CATSPERB: variants seen among roughly 807,000 people sequenced by gnomAD.
CATSPERB encodes the protein catsper channel auxiliary subunit beta.
CATSPERB carries 93 observed loss-of-function variants against 128.3 expected under a neutral mutation model. That is an observed-to-expected ratio of 0.72 (90% CI 0.61 to 0.86). The LOEUF (loss-of-function observed/expected upper bound fraction) is 0.86, where lower values mean the gene tolerates loss of function less well. CATSPERB is among the 40% of genes least tolerant of loss of function. The pLI is 0.00. For synonymous variants in CATSPERB, 381 were observed against 448.8 expected (o/e 0.85, Z 1.91); for missense variants, 1,153 against 1,329.5 (o/e 0.87, Z 2.06).
Position 91,617,636 on chromosome 14 carries a change from A to G in CATSPERB, c.2361T>C (p.Tyr787=), listed in dbSNP as rs1174979896. The change falls in exon 20 of 27, where the codon TAT becomes TAC. Residue 787 remains tyrosine, a synonymous_variant. Transcript: ENST00000256343. ...TGCTAGCTGCAGAAATTGTTATTAC[A>G]TAACTGTCAGTATCATCAAAAGTCA... ...AEVTFDDTDS[Y]VITISAASKV... is the part of the protein sequence containing the mutation. The G allele has an allele frequency of 1.3e-6, 2 of 1,594,778 alleles. No individual in the cohort carries two copies. Among genetic ancestry groups the G allele is most frequent in the Admixed American group, 3.6e-5 (2 of 54,810 alleles).
In CATSPERB at chr14:91,617,708, C is replaced by T. The variant is rs1195983054; in HGVS notation, c.2289G>A (p.Leu763=). 1.2e-6 allele frequency: 2 copies of T among 1,600,636 alleles called. No homozygotes were observed. Among genetic ancestry groups the T allele is most frequent in the Non-Finnish European group, 1.7e-6 (2 of 1,175,746 alleles). ...KGFRMLEIPL[L]TVFVGNPNLL... ...AATTAGGGTTTCCAACAAACACAGT[C>T]AGTAGTGGTATTTCAAGCATTCGAA... The change falls in exon 20 of 27, where the codon CTG becomes CTA. Residue 763 remains leucine, a synonymous_variant. Transcript: ENST00000256343.
At chr14:91,696,457 A>G (rs1014970123) in intron 7 of CATSPERB, among the ~76,000 whole-genome samples, 5 of 152,236 alleles carry the variant, frequency 3.3e-5, no homozygotes, top group Admixed American at 2.0e-4. Context: ...CAATATGGAA[A>G]CTGTGAGTGG....
At chr14:91,602,470 A>G (rs1039359555) in intron 22 of CATSPERB, among the ~76,000 whole-genome samples, 1 of 152,180 alleles carries the variant, frequency 6.6e-6, no homozygotes, top group African/African-American at 2.4e-5. Context: ...AGATTAAGGG[A>G]GCAAAAATTA....
At chr14:91,644,282 G>A (rs1894550688) in intron 15 of CATSPERB, among the ~76,000 whole-genome samples, 1 of 123,754 alleles carries the variant, frequency 8.1e-6, no homozygotes, top group African/African-American at 3.1e-5. Flanking sequence ...TTGCTCATTA[G>A]TTGATGCAGT....
In CATSPERB at chr14:91,586,521, C is replaced by T. The variant is rs911467013; in HGVS notation, c.3132+681G>A. Among the ~76,000 whole-genome samples, 3 of 134,974 alleles carry T rather than the reference C, an allele frequency of 2.2e-5. No homozygotes were observed. The East Asian group carries it at 6.6e-4, about 30-fold the overall frequency. 88.5% of individuals were successfully genotyped at this position (134,974 alleles called of 152,430 possible). On this transcript the variant is annotated intron_variant, in intron 26 of 26. Coordinates refer to ENST00000256343, the MANE Select transcript of CATSPERB (RefSeq NM_024764.4). Reference sequence around the variant, plus strand: ...TAGTAGTGCAGAGCCATTATTGGAGCTGGCCTTAGAGCTGGGCCGGAACAG... The same window carrying T: ...TAGTAGTGCAGAGCCATTATTGGAGTTGGCCTTAGAGCTGGGCCGGAACAG...
In CATSPERB at chr14:91,624,809, A is replaced by C; in HGVS notation, c.1930+11T>G. 1 of 1,569,572 alleles carries C rather than the reference A, an allele frequency of 6.4e-7. No homozygotes were observed. Among genetic ancestry groups the C allele is most frequent in the South Asian group, 1.2e-5 (1 of 83,736 alleles). ...CTAGCCATCAGAGATGTATGATATTATTATACCTACCTTGTGAATCAAGAG... is the reference window on the plus strand; with the variant it reads ...CTAGCCATCAGAGATGTATGATATTCTTATACCTACCTTGTGAATCAAGAG... On this transcript the variant is annotated intron_variant, in intron 18 of 26. Transcript: ENST00000256343.
chr14:91,594,211 G>A (rs962800700), intron 22 of CATSPERB, among the ~76,000 whole-genome samples: 3 of 151,958 alleles, frequency 2.0e-5, no homozygotes, highest in Admixed American at 6.6e-5. Context: ...ATCATTCTCA[G>A]CAAACTATCA....
At chr14:91,628,657 C>T (rs868005402) in intron 17 of CATSPERB, among the ~76,000 whole-genome samples, 1 of 152,178 alleles carries the variant, frequency 6.6e-6, no homozygotes. Context: ...TAAGACGTGC[C>T]TTGCTTCCCC....
intron 15 of CATSPERB, 47 bp from the exon 16 acceptor site, chr14:91,639,297 T>G: frequency 1.3e-6 from 2 of 1,537,934 alleles, no homozygotes. Flanking sequence ...GTAACAGAAG[T>G]CGAAAAACTT....
intron 2 of CATSPERB, among the ~76,000 whole-genome samples, chr14:91,726,242 A>G (rs1896117638): frequency 6.6e-6 from 1 of 152,220 alleles, no homozygotes; most frequent in African/African-American, 2.4e-5. Flanking sequence ...CAGCAAGGCT[A>G]AGATGGTGCA....
chr14:91,725,132 C>T lies in CATSPERB; in HGVS notation c.116G>A (p.Gly39Glu), dbSNP rs753176166. The T allele has an allele frequency of 2.5e-6, 4 of 1,576,394 alleles. No individual in the cohort carries two copies. Among genetic ancestry groups the T allele is most frequent in the Non-Finnish European group, 3.4e-6 (4 of 1,163,164 alleles). The stretch of plus-strand genomic sequence containing the variant: ...GATTATTTCATTCTCTTGAGGGAAC[C>T]CTTTGTTAGAACATGCAAAGCGTTT... The part of the protein sequence containing the change: ...TEKRFACSNK[G>E]FPQENEIIKL... The change falls in exon 3 of 27, where the codon GGG (glycine) becomes GAG (glutamate). Residue 39 changes from glycine to glutamate, a missense_variant. Coordinates refer to ENST00000256343, the MANE Select transcript of CATSPERB (RefSeq NM_024764.4).
intron 14 of CATSPERB, among the ~76,000 whole-genome samples, chr14:91,662,894 T>C (rs114739446): frequency 0.011 from 1,649 of 152,356 alleles, 24 homozygotes; most frequent in African/African-American, 0.036. Flanking sequence ...GTTGTCTTTT[T>C]CATATTGCTT....
At position 91,636,583 on chromosome 14, in the gene CATSPERB, G is replaced by A. The variant is rs371869705; in HGVS notation, c.1588-4C>T. Reference sequence around the variant, plus strand: ...TCTCAAAGCCCATATCTGGAGGCTGGAAACAGAGAAAAGAAAATATTATAT... The same window carrying A: ...TCTCAAAGCCCATATCTGGAGGCTGAAAACAGAGAAAAGAAAATATTATAT... On this transcript the variant is annotated splice_polypyrimidine_tract_variant and splice_region_variant and intron_variant, in intron 16 of 26. Transcript: ENST00000256343. 50 of 1,603,048 alleles carry A rather than the reference G, an allele frequency of 3.1e-5. No homozygotes were observed. The African/African-American group carries it at 5.9e-4, about 19-fold the overall frequency.
chr14:91,585,647 C>T (rs765664561), intron 26 of CATSPERB, among the ~76,000 whole-genome samples: 13 of 152,084 alleles, frequency 8.5e-5, no homozygotes, highest in Non-Finnish European at 1.6e-4. Context: ...GTTATAATAG[C>T]TAGTTTAGAA....
Position 91,693,142 on chromosome 14 carries a change from G to A in CATSPERB, c.815C>T (p.Ser272Leu), listed in dbSNP as rs1895498608. ...TTTACATACCGATAAGCTGTGGCGTGATGGATAACGAAGATCTTCACTTAC... is the reference window on the plus strand; with the variant it reads ...TTTACATACCGATAAGCTGTGGCGTAATGGATAACGAAGATCTTCACTTAC... ...LFVSEDLRYP[S>L]RHSLSFSRAD... The change falls in exon 9 of 27, where the codon TCA becomes TTA. Residue 272 changes from serine to leucine, a missense_variant. Ser to Leu is a moderately radical substitution (Grantham distance 145). Coordinates refer to ENST00000256343, the MANE Select transcript of CATSPERB (RefSeq NM_024764.4). 2 of 1,610,944 alleles carry A rather than the reference G, an allele frequency of 1.2e-6. No individual in the cohort carries two copies. Among genetic ancestry groups the A allele is most frequent in the African/African-American group, 1.3e-5 (1 of 74,858 alleles).
chr14:91,632,813 T>TG (rs1417312909), intron 17 of CATSPERB, among the ~76,000 whole-genome samples: 6 of 46,662 alleles, frequency 1.3e-4, no homozygotes, highest in Non-Finnish European at 2.5e-4. Context: ...TAAAGTCACT[T>TG]AAAACACACA....
intron 23 of CATSPERB, among the ~76,000 whole-genome samples, chr14:91,590,852 C>T (rs537477586): frequency 3.3e-5 from 5 of 151,564 alleles, no homozygotes; most frequent in South Asian, 2.1e-4. Context: ...AGGGTTTCAC[C>T]GTGTTAGCCA....
At chr14:91,656,714 G>T (rs186409587) in intron 15 of CATSPERB, among the ~76,000 whole-genome samples, 88 of 152,190 alleles carry the variant, frequency 5.8e-4, no homozygotes, top group Admixed American at 9.2e-4. Context: ...GACATAGAGT[G>T]CCTGAATGGA....
intron 21 of CATSPERB, among the ~76,000 whole-genome samples, chr14:91,609,177 A>C (rs1893772454): frequency 6.6e-6 from 1 of 151,998 alleles, no homozygotes; most frequent in Non-Finnish European, 1.5e-5. Flanking sequence ...ACCTCAATCT[A>C]CAGTGTGCTT....
Sources: gnomAD v4.1 joint callset for allele counts (sites outside exome capture counted in the v4.1 genomes callset) on GRCh38, gnomAD v4.1.1 for gene constraint, MANE v1.5 for transcripts, NCBI Gene and HGNC (gene_info 2026-07-23, HGNC 2026-07-21) for gene names.